The following CACNA1S variants were observed in gnomAD, a reference collection of about 807,000 sequenced individuals.
The protein encoded by CACNA1S is voltage-dependent L-type calcium channel subunit alpha-1S.
In CACNA1S, 126 loss-of-function variants were observed where a neutral mutation model predicts 207.4. That is an observed-to-expected ratio of 0.61 (90% CI 0.53 to 0.70). The LOEUF is 0.70. Ranked by LOEUF, CACNA1S falls within the 30% of genes least tolerant of loss-of-function variation. CACNA1S has a pLI of 0.00. For missense variants in CACNA1S, 2,349 were observed against 2,422.8 expected, an observed-to-expected ratio of 0.97 and a Z score of 0.64; for synonymous variants, 960 against 932.7, an observed-to-expected ratio of 1.03 and a Z score of -0.53.
intron 36 of CACNA1S, among the ~76,000 whole-genome samples, 196 bp downstream of exon 36, chr1:201,048,386 T>G (rs1409145735): frequency 6.6e-6 from 1 of 152,156 alleles, no homozygotes; most frequent in Non-Finnish European, 1.5e-5. Flanking sequence ...TTGATGATCT[T>G]TGCCCTGCAG....
chr1:201,040,480 G>T, intron 42 of CACNA1S, 106 bp from the exon 43 acceptor site: 2 of 1,486,686 alleles, frequency 1.3e-6, no homozygotes, highest in East Asian at 2.3e-5. Context: ...TCCACAGAAA[G>T]GGGAGGATGG....
chr1:201,100,093 C>T (rs1158422250), intron 2 of CACNA1S, among the ~76,000 whole-genome samples: 1 of 152,226 alleles, frequency 6.6e-6, no homozygotes, highest in Non-Finnish European at 1.5e-5. Context: ...TAACTGAAAG[C>T]ACCAGAATAG....
intron 26 of CACNA1S, 58 bp from the exon 27 acceptor site, chr1:201,059,357 AT>A: frequency 9.3e-7 from 1 of 1,075,826 alleles, no homozygotes; most frequent in Non-Finnish European, 1.4e-6. Context: ...CACCCTGTAG[AT>A]TGCATTCCCA....
In CACNA1S at chr1:201,091,800, G is replaced by A; in HGVS notation, c.542-8C>T. The A allele has an allele frequency of 8.7e-6, 14 of 1,612,488 alleles. No individual in the cohort carries two copies. The highest frequency in any genetic ancestry group is 1.2e-5 in the Non-Finnish European group (14 of 1,179,104). ...TCAGGACCACCTGCAGGCCTGCAGA[G>A]GCAGGCAGGGAAGGGAAAAGAGGAG... On this transcript the variant is annotated splice_polypyrimidine_tract_variant and splice_region_variant and intron_variant, in intron 4 of 43. Transcript: ENST00000362061.
rs1476696619 is a variant in CACNA1S, at chr1:201,075,480, C to G, written c.1948+15G>C. ...TCCCTAAGCTCTTTTCTGCACCCTG[C>G]TCCCGAGAGGATACAGTTGCCACAG... On this transcript the variant is annotated intron_variant, in intron 13 of 43. Coordinates refer to ENST00000362061, the MANE Select transcript of CACNA1S (RefSeq NM_000069.3). 1 of 1,613,286 alleles carries G rather than the reference C, an allele frequency of 6.2e-7. No homozygotes were observed. Among genetic ancestry groups the G allele is most frequent in the South Asian group, 1.1e-5 (1 of 91,038 alleles).
intron 22 of CACNA1S, among the ~76,000 whole-genome samples, chr1:201,064,128 C>T (rs545892282): frequency 6.6e-6 from 1 of 152,324 alleles, no homozygotes; most frequent in East Asian, 1.9e-4. Context: ...GCGGCTCATT[C>T]ATTCCTTCAG....
At chr1:201,045,339 G>A (rs927272112) in intron 38 of CACNA1S, among the ~76,000 whole-genome samples, 1 of 152,102 alleles carries the variant, frequency 6.6e-6, no homozygotes, top group Non-Finnish European at 1.5e-5. Context: ...AAGAGATAAG[G>A]CAACTCAATG....
intron 15 of CACNA1S, 123 bp downstream of exon 15, chr1:201,073,426 C>G: frequency 1.2e-6 from 1 of 829,404 alleles, no homozygotes. Context: ...GGGAGATGCC[C>G]TCACCTGGCT....
intron 5 of CACNA1S, among the ~76,000 whole-genome samples, chr1:201,090,733 A>G (rs1232195735): frequency 1.3e-5 from 2 of 152,178 alleles, no homozygotes; most frequent in South Asian, 4.1e-4. Flanking sequence ...CATTCTCTCA[A>G]CAATGTAGAC....
chr1:201,050,887 G>A, intron 33 of CACNA1S, 97 bp downstream of exon 33: 1 of 1,283,538 alleles, frequency 7.8e-7, no homozygotes. Flanking sequence ...ATGAATCCCA[G>A]GAGAGGTGGA....
intron 28 of CACNA1S, among the ~76,000 whole-genome samples, chr1:201,056,648 T>A (rs1660855061): frequency 6.6e-6 from 1 of 152,166 alleles, no homozygotes; most frequent in African/African-American, 2.4e-5. Context: ...TGGGCAACTG[T>A]TTTTTGATTT....
intron 26 of CACNA1S, 32 bp from the exon 27 acceptor site, chr1:201,059,331 G>A (rs530745157): frequency 5.9e-4 from 877 of 1,487,964 alleles, no homozygotes; most frequent in Non-Finnish European, 7.4e-4. Flanking sequence ...AGTGGGTCAG[G>A]GGGGCCGGGT....
Position 201,039,668 on chromosome 1 carries a change from C to T in CACNA1S, c.*163G>A, listed in dbSNP as rs200126670. On this transcript the variant is annotated 3_prime_UTR_variant, in exon 44 of 44. Coordinates refer to ENST00000362061, the MANE Select transcript of CACNA1S (RefSeq NM_000069.3). Reference sequence around the variant, plus strand: ...GCAGGGCCTGTCCAGCTACTTCCTCCGCACTTTTTGAGGTGGTTCCTGACC... The same window carrying T: ...GCAGGGCCTGTCCAGCTACTTCCTCTGCACTTTTTGAGGTGGTTCCTGACC... 3.6e-4 allele frequency: 300 copies of T among 840,000 alleles called. 3 individuals carry two copies. In the East Asian group the frequency reaches 6.6e-3, roughly 18 times the overall value. The allele number at this position is 840,000 out of a possible 1,614,324, so 52.0% of individuals were successfully genotyped here.
At position 201,069,175 on chromosome 1, in the gene CACNA1S, C is replaced by A. The variant is rs1356510559; in HGVS notation, c.2512G>T (p.Gly838Trp). 1 of 1,614,086 alleles carries A rather than the reference C, an allele frequency of 6.2e-7. No individual in the cohort carries two copies. The highest frequency in any genetic ancestry group is 1.7e-5 in the Admixed American group (1 of 60,030). Residue 838 changes from glycine (G) to tryptophan (W), a missense_variant, in exon 19 of 44, where the codon GGG (glycine) becomes TGG (tryptophan). Transcript: ENST00000362061. ...TCCACAGTGAAGACAGAGGTGAACC[C>A]GATGTCAAAGTGTTTAAGGATCTGG... ...RNQILKHFDI[G>W]FTSVFTVEIV...
rs1661538088 is a variant in CACNA1S, at chr1:201,074,562, G to T, written c.2007C>A (p.Ser669Arg). The change falls in exon 14 of 44, where the codon AGC becomes AGA. Residue 669 changes from serine to arginine, a missense_variant. Coordinates refer to ENST00000362061, the MANE Select transcript of CACNA1S (RefSeq NM_000069.3). ...CCTTGGCCTTCTGGGCAGAAGTCAG[G>T]CTCTCCGCCTCGGCCAGGTTGTCCA... ...IAVDNLAEAE[S>R]LTSAQKAKAE... The T allele has an allele frequency of 6.2e-7, 1 of 1,614,108 alleles. No homozygotes were observed. The highest frequency in any genetic ancestry group is 1.1e-5 in the South Asian group (1 of 91,044).
intron 10 of CACNA1S, among the ~76,000 whole-genome samples, chr1:201,078,881 G>A (rs1367001804): frequency 2.6e-5 from 4 of 152,086 alleles, no homozygotes; most frequent in African/African-American, 9.7e-5. Flanking sequence ...CCAGCACTTT[G>A]GGAGGTCGAG....
At chr1:201,041,717 A>ACT in intron 40 of CACNA1S, 128 bp from the exon 41 acceptor site, 1 of 738,732 alleles carries the variant, frequency 1.4e-6, no homozygotes, top group East Asian at 2.7e-5. Context: ...AGCAGCCGTG[A>ACT]CTCTAGGGCT....
chr1:201,086,154 G>A (rs1373174197), intron 7 of CACNA1S, among the ~76,000 whole-genome samples: 1 of 152,198 alleles, frequency 6.6e-6, no homozygotes, highest in East Asian at 1.9e-4. Context: ...CAGCACAGGG[G>A]TAGTCTCTGA....
rs369192794 is a variant in CACNA1S at position 201,066,962 on chromosome 1, C to G, written c.2582G>C (p.Gly861Ala). The change falls in exon 20 of 44, where the codon GGT becomes GCT. Residue 861 changes from glycine (G) to alanine (A), a missense_variant. Coordinates refer to ENST00000362061, the MANE Select transcript of CACNA1S (RefSeq NM_000069.3). This position sits in a 1 kb window ranked among gnomAD's most constrained non-coding sequence, Gnocchi z 4.3. ...GTTGAAGTAATTGCGGCAGAAGGAA[C>G]CCTTGTGCAGGAAGGCTCCGTAGGT... ...MTTYGAFLHK[G>A]SFCRNYFNML... The G allele has an allele frequency of 1.9e-5, 31 of 1,613,954 alleles. No individual in the cohort carries two copies. In the African/African-American group the frequency reaches 3.2e-4, roughly 17 times the overall value.
Sources: gnomAD v4.1 joint callset for allele counts (sites outside exome capture counted in the v4.1 genomes callset) on GRCh38, gnomAD v4.1.1 for gene constraint, Gnocchi (gnomAD v3.1) non-coding constraint, MANE v1.5 for transcripts, NCBI Gene and HGNC (gene_info 2026-07-23, HGNC 2026-07-21) for gene names.